The following SEZ6L variants were observed in gnomAD, a reference collection of about 807,000 sequenced individuals.
The protein encoded by SEZ6L is seizure related 6 homolog like.
In SEZ6L, 37 loss-of-function variants were observed where a neutral mutation model predicts 106.2. The ratio of observed to expected loss-of-function variants is 0.35; its 90% CI spans 0.27 to 0.46. The LOEUF is 0.46. Ranked by LOEUF, SEZ6L falls within the 20% of genes least tolerant of loss-of-function variation. SEZ6L has a pLI of 1.00. For missense variants in SEZ6L, 1,172 were observed against 1,332.8 expected, an observed-to-expected ratio of 0.88 and a Z score of 1.88; for synonymous variants, 541 against 570.4, an observed-to-expected ratio of 0.95 and a Z score of 0.73.
At chr22:26,300,156 ATT>A (rs35878349) in intron 5 of SEZ6L, among the ~76,000 whole-genome samples, 254 of 151,226 alleles carry the variant, frequency 1.7e-3, no homozygotes, top group African/African-American at 5.1e-3. Flanking sequence ...TCCTTTGCCC[ATT>A]TTTTTTTAAT....
chr22:26,261,355 A>G (rs544790475), intron 1 of SEZ6L, among the ~76,000 whole-genome samples: 9 of 152,184 alleles, frequency 5.9e-5, no homozygotes, highest in Non-Finnish European at 1.2e-4. Flanking sequence ...TAGAAGTTTT[A>G]TAGTTTCAGG....
intron 13 of SEZ6L, among the ~76,000 whole-genome samples, chr22:26,366,729 A>G (rs2083826449): frequency 6.6e-6 from 1 of 152,084 alleles, no homozygotes; most frequent in African/African-American, 2.4e-5. Context: ...CAAACAAACA[A>G]ACAAAATACA....
At chr22:26,338,729 T>TC (rs1305339428) in intron 9 of SEZ6L, among the ~76,000 whole-genome samples, 1 of 152,124 alleles carries the variant, frequency 6.6e-6, no homozygotes, top group East Asian at 1.9e-4. Context: ...CCAGCTAATT[T>TC]CTTTTTTTAG....
chr22:26,171,152 T>C (rs1186328127), intron 1 of SEZ6L, among the ~76,000 whole-genome samples: 2 of 152,216 alleles, frequency 1.3e-5, no homozygotes, highest in East Asian at 3.8e-4. Context: ...AAATTGTTCA[T>C]CACCTTTTGT....
At chr22:26,280,463 T>C (rs1049036086) in intron 1 of SEZ6L, among the ~76,000 whole-genome samples, 16 of 152,228 alleles carry the variant, frequency 1.1e-4, no homozygotes, top group African/African-American at 3.9e-4. Flanking sequence ...CCTTGTTTTA[T>C]CTCCCTGTTT....
intron 1 of SEZ6L, among the ~76,000 whole-genome samples, chr22:26,219,372 A>AT (rs570972026): frequency 5.5e-5 from 8 of 146,396 alleles, no homozygotes; most frequent in Admixed American, 1.4e-4. Context: ...TTGCCTTTTT[A>AT]TTTTTTTTGT....
At chr22:26,323,318 T>G (rs191224731) in intron 9 of SEZ6L, among the ~76,000 whole-genome samples, 4 of 152,336 alleles carry the variant, frequency 2.6e-5, no homozygotes, top group African/African-American at 9.6e-5. Context: ...AGAAAGTGCT[T>G]GATAAATATC....
chr22:26,342,668 C>A lies in SEZ6L; in HGVS notation c.2212+2036C>A, dbSNP rs145111540. 5.6e-3 allele frequency among the ~76,000 whole-genome samples: 853 copies of A among 152,088 alleles called. 1 individual carries two copies. Among genetic ancestry groups the A allele is most frequent in the Non-Finnish European group, 8.0e-3 (542 of 68,010 alleles). On this transcript the variant is annotated intron_variant, in intron 10 of 16. Transcript: ENST00000248933. Reference sequence around the variant, plus strand: ...CCAAGATTGCGCCACTGACTCCAGCCTGGGTGATAGAGCGAGACTCCGTCT... The same window carrying A: ...CCAAGATTGCGCCACTGACTCCAGCATGGGTGATAGAGCGAGACTCCGTCT...
chr22:26,224,762 CA>C (rs1255340625), intron 1 of SEZ6L, among the ~76,000 whole-genome samples: 2 of 152,114 alleles, frequency 1.3e-5, no homozygotes, highest in Non-Finnish European at 1.5e-5. Flanking sequence ...GGTAGGCAAT[CA>C]AGGATGCTGC....
intron 1 of SEZ6L, among the ~76,000 whole-genome samples, chr22:26,210,591 G>A (rs757242106): frequency 1.2e-4 from 18 of 152,096 alleles, no homozygotes; most frequent in Non-Finnish European, 2.2e-4. Flanking sequence ...TTTGTGTTTT[G>A]CCTGGGAGAG....
chr22:26,171,339 G>T (rs775544201), intron 1 of SEZ6L, among the ~76,000 whole-genome samples: 5 of 151,958 alleles, frequency 3.3e-5, no homozygotes, highest in Non-Finnish European at 7.4e-5. Flanking sequence ...TCTAACAATG[G>T]CTTGGTGGCC....
At chr22:26,291,903 C>A (rs2081120665) in intron 1 of SEZ6L, among the ~76,000 whole-genome samples, 1 of 152,074 alleles carries the variant, frequency 6.6e-6, no homozygotes, top group Non-Finnish European at 1.5e-5. Flanking sequence ...GGCAGTGAGG[C>A]CCCTGTGCTT....
intron 9 of SEZ6L, among the ~76,000 whole-genome samples, chr22:26,333,276 C>A (rs553710568): frequency 5.3e-5 from 8 of 152,308 alleles, no homozygotes; most frequent in African/African-American, 1.9e-4. Flanking sequence ...GCCTCTCAGG[C>A]ATGCAGGGTG....
At chr22:26,347,290 T>A (rs2083039499) in intron 10 of SEZ6L, among the ~76,000 whole-genome samples, 1 of 152,032 alleles carries the variant, frequency 6.6e-6, no homozygotes, top group Non-Finnish European at 1.5e-5. Context: ...CAAAAATTTT[T>A]AAAAGAGTGT....
Position 26,311,532 on chromosome 22 carries a change from G to A in SEZ6L, c.1682-236G>A, listed in dbSNP as rs184074147. On this transcript the variant is annotated intron_variant, in intron 7 of 16. Coordinates refer to ENST00000248933, the MANE Select transcript of SEZ6L (RefSeq NM_021115.5). Reference sequence around the variant, plus strand: ...GGCATTAAAACACAACAACTCCACAGGGTGGAGAAGACAGAGATTCTTACT... The same window carrying A: ...GGCATTAAAACACAACAACTCCACAAGGTGGAGAAGACAGAGATTCTTACT... Among the ~76,000 whole-genome samples the A allele has an allele frequency of 1.4e-4, 22 of 152,320 alleles. No individual in the cohort carries two copies. In the East Asian group the frequency reaches 4.2e-3, roughly 29 times the overall value.
chr22:26,299,879 A>G (rs2081400166), intron 5 of SEZ6L, among the ~76,000 whole-genome samples: 1 of 152,214 alleles, frequency 6.6e-6, no homozygotes, highest in Non-Finnish European at 1.5e-5. Flanking sequence ...CATTGTATGT[A>G]TAACTTTTTG....
intron 9 of SEZ6L, among the ~76,000 whole-genome samples, chr22:26,336,472 G>A (rs1256019014): frequency 1.3e-5 from 2 of 152,218 alleles, no homozygotes; most frequent in Non-Finnish European, 1.5e-5. Context: ...AAAGGCATTT[G>A]TATGTTTGCT....
intron 1 of SEZ6L, among the ~76,000 whole-genome samples, chr22:26,289,876 T>A (rs1569445963): frequency 6.6e-6 from 1 of 152,224 alleles, no homozygotes; most frequent in Non-Finnish European, 1.5e-5. Context: ...CGAGGGCCTT[T>A]GTCCCCGTGA....
intron 10 of SEZ6L, among the ~76,000 whole-genome samples, chr22:26,343,188 T>C (rs1479127750): frequency 6.6e-6 from 1 of 152,098 alleles, no homozygotes; most frequent in Non-Finnish European, 1.5e-5. Context: ...TTGGAGGAAG[T>C]CTCTGGTCTC....
Sources: allele counts gnomAD v4.1 joint callset (sites outside exome capture counted in the v4.1 genomes callset), GRCh38; gene constraint gnomAD v4.1.1; transcripts MANE v1.5; gene names NCBI Gene and HGNC (gene_info 2026-07-23, HGNC 2026-07-21).